The following SCIN variants were observed in gnomAD, a reference collection of about 807,000 sequenced individuals.
SCIN encodes scinderin.
A neutral mutation model predicts 91.8 loss-of-function variants in SCIN; 91 were observed. The observed-to-expected ratio is 0.99, with a 90% CI of 0.84 to 1.18. The LOEUF (loss-of-function observed/expected upper bound fraction) is 1.18. SCIN is among the 50% of genes most tolerant of loss of function. SCIN has a pLI of 0.00. For missense variants in SCIN, 1,087 were observed against 863.9 expected, an observed-to-expected ratio of 1.26 and a Z score of -3.24; for synonymous variants, 367 against 312.6, an observed-to-expected ratio of 1.17 and a Z score of -1.84.
At chr7:12,644,443 AG>A in intron 12 of SCIN, 128 bp downstream of exon 12, 1 of 1,436,682 alleles carries the variant, frequency 7.0e-7, no homozygotes, top group South Asian at 1.4e-5. Flanking sequence ...TTAGTTGCAG[AG>A]GTGGGTGGGT....
chr7:12,573,614 G>C (rs1782311631), intron 1 of SCIN, among the ~76,000 whole-genome samples: 1 of 152,064 alleles, frequency 6.6e-6, no homozygotes, highest in Non-Finnish European at 1.5e-5. Context: ...AAACATTTCA[G>C]CTTTGCACCT....
Position 12,655,236 on chromosome 7 carries a change from A to G in SCIN, c.*2521A>G, listed in dbSNP as rs1486269956. 1 of 152,170 alleles carries G rather than the reference A, an allele frequency of 6.6e-6. No individual in the cohort carries two copies. The highest frequency in any genetic ancestry group is 2.4e-5 in the African/African-American group (1 of 41,448). The allele number at this position is 152,170 out of a possible 1,614,324, so 9.4% of individuals were successfully genotyped here. A position where few individuals can be genotyped will look rare whatever the true frequency, so the allele number is the denominator to read the frequency against. On this transcript the variant is annotated 3_prime_UTR_variant, in exon 16 of 16. Transcript: ENST00000297029. ...TGCATTACTTTTGTATTGTTGTATT[A>G]TTTTATTGTTTTTCCCCAAATAGTT...
At chr7:12,582,034 A>G (rs946972132) in intron 3 of SCIN, among the ~76,000 whole-genome samples, 14 of 152,298 alleles carry the variant, frequency 9.2e-5, no homozygotes, top group African/African-American at 2.9e-4. Context: ...TCATCACACC[A>G]TACATCTCAA....
At chr7:12,652,539 A>G (rs772572966) in intron 15 of SCIN, 49 bp from the exon 16 acceptor site, 1 of 1,555,240 alleles carries the variant, frequency 6.4e-7, no homozygotes, top group Admixed American at 1.9e-5. Context: ...CAGTTACTTT[A>G]GTTTAACCCA....
chr7:12,570,733 T>A lies in SCIN; in HGVS notation c.-54T>A, dbSNP rs775545659. 1.3e-6 allele frequency: 2 copies of A among 1,525,238 alleles called. No homozygotes were observed. Among genetic ancestry groups the A allele is most frequent in the Non-Finnish European group, 1.8e-6 (2 of 1,129,972 alleles). The allele number at this position is 1,525,238 out of a possible 1,614,324, so 94.5% of individuals were successfully genotyped here. A position where few individuals can be genotyped will look rare whatever the true frequency, so the allele number is the denominator to read the frequency against. ...TAAGGTTCCTCCTGCTGCTCTCGGT[T>A]TAGTCCAAGATCAGCGATATCACGC... On this transcript the variant is annotated 5_prime_UTR_variant, in exon 1 of 16. Coordinates refer to ENST00000297029, the MANE Select transcript of SCIN (RefSeq NM_001112706.3).
At chr7:12,632,685 G>C (rs1052649942) in intron 9 of SCIN, among the ~76,000 whole-genome samples, 6 of 152,174 alleles carry the variant, frequency 3.9e-5, no homozygotes, top group African/African-American at 1.4e-4. Context: ...TTTCTGGTCT[G>C]AGCATAAATG....
chr7:12,656,320 A>C lies in SCIN; in HGVS notation c.*3605A>C, dbSNP rs1400679501. ...TGTAGTGACACAAGCCCTTCTGCTG[A>C]AAAAGTAGGTAGATAATTACTTTGA... On this transcript the variant is annotated 3_prime_UTR_variant, in exon 16 of 16. Transcript: ENST00000297029. 6.6e-6 allele frequency: 1 copy of C among 152,212 alleles called. No homozygotes were observed. Among genetic ancestry groups the C allele is most frequent in the Non-Finnish European group, 1.5e-5 (1 of 68,042 alleles). 9.4% of individuals were successfully genotyped at this position (152,212 alleles called of 1,614,324 possible).
intron 4 of SCIN, among the ~76,000 whole-genome samples, chr7:12,607,133 G>A (rs1267301750): frequency 6.6e-6 from 1 of 152,198 alleles, no homozygotes; most frequent in Non-Finnish European, 1.5e-5. Flanking sequence ...CATCACTCAT[G>A]CTTCTCCAGG....
chr7:12,641,456 T>C (rs984502271), intron 11 of SCIN, among the ~76,000 whole-genome samples: 10 of 152,150 alleles, frequency 6.6e-5, no homozygotes, highest in African/African-American at 2.2e-4. Context: ...CTCTCTCTTT[T>C]ATATCAGACT....
At chr7:12,604,831 T>C (rs1371550238) in intron 4 of SCIN, among the ~76,000 whole-genome samples, 168 bp downstream of exon 4, 2 of 152,190 alleles carry the variant, frequency 1.3e-5, no homozygotes, top group Non-Finnish European at 2.9e-5. Context: ...ACAACAGGGT[T>C]ATCTAAGTGA....
At chr7:12,631,764 C>A (rs1163605056) in intron 9 of SCIN, among the ~76,000 whole-genome samples, 1 of 152,126 alleles carries the variant, frequency 6.6e-6, no homozygotes, top group African/African-American at 2.4e-5. Flanking sequence ...TTATAAATTA[C>A]CCTGTTTCAG....
intron 4 of SCIN, among the ~76,000 whole-genome samples, chr7:12,616,655 T>A (rs1023848875): frequency 4.6e-5 from 7 of 152,114 alleles, no homozygotes; most frequent in Admixed American, 1.3e-4. Context: ...AGAGCCAGAA[T>A]ATTATAGACA....
intron 11 of SCIN, among the ~76,000 whole-genome samples, chr7:12,641,926 A>C (rs897472180): frequency 6.6e-6 from 1 of 151,996 alleles, no homozygotes; most frequent in African/African-American, 2.4e-5. Flanking sequence ...AACTTTATCA[A>C]TTTGTCTGCA....
Position 12,651,499 on chromosome 7 carries a change from T to C in SCIN, c.1960-342T>C, listed in dbSNP as rs1398531135. Among the ~76,000 whole-genome samples, 1 of 151,696 alleles carries C rather than the reference T, an allele frequency of 6.6e-6. No individual in the cohort carries two copies. The highest frequency in any genetic ancestry group is 1.5e-5 in the Non-Finnish European group (1 of 67,928). On this transcript the variant is annotated intron_variant, in intron 14 of 15. Transcript: ENST00000297029. This position sits in a 1 kb window ranked among gnomAD's most constrained non-coding sequence, Gnocchi z 5.9. ...AAATATTTTGGTTTCCTTCGACTGC[T>C]GTCACACCCTAGGGGGTGGATGAAA...
chr7:12,622,784 T>C lies in SCIN; in HGVS notation c.667-17T>C, dbSNP rs1783435322. On this transcript the variant is annotated splice_polypyrimidine_tract_variant and intron_variant, in intron 4 of 15. Transcript: ENST00000297029. ...GGGAGATCTTTATCTTTGCATCCAC[T>C]GCTCACTTTTTTCCAGGTCTTAGGG... 6.3e-7 allele frequency: 1 copy of C among 1,581,692 alleles called. No homozygotes were observed. The highest frequency in any genetic ancestry group is 8.7e-7 in the Non-Finnish European group (1 of 1,151,138).
intron 2 of SCIN, among the ~76,000 whole-genome samples, chr7:12,580,328 A>T (rs1782462008): frequency 6.6e-6 from 1 of 152,154 alleles, no homozygotes; most frequent in East Asian, 1.9e-4. Context: ...CAAATAATAT[A>T]AGAAGATGTA....
chr7:12,606,469 GT>G (rs1783081835), intron 4 of SCIN, among the ~76,000 whole-genome samples: 1 of 152,158 alleles, frequency 6.6e-6, no homozygotes, highest in African/African-American at 2.4e-5. Flanking sequence ...ATAACTTTAT[GT>G]ATTGTAATGT....
Position 12,625,044 on chromosome 7 carries a change from T to A in SCIN, c.794T>A (p.Val265Glu). Residue 265 changes from valine to glutamate, a missense_variant, in exon 6 of 16, where the codon GTG becomes GAG. Val to Glu is a moderately radical substitution (Grantham distance 121, BLOSUM62 -2). Transcript: ENST00000297029. ...SDASGSMRVTVVAEENPFSMA... is the reference protein window; with the variant it reads ...SDASGSMRVTEVAEENPFSMA... ...GCAAGTGGCTCCATGAGAGTGACTG[T>A]GGTGGCAGAAGAAAACCCCTTCTCA... 1 of 1,576,284 alleles carries A rather than the reference T, an allele frequency of 6.3e-7. No individual in the cohort carries two copies. Among genetic ancestry groups the A allele is most frequent in the South Asian group, 1.2e-5 (1 of 85,932 alleles).
At position 12,605,746 on chromosome 7, in the gene SCIN, G is replaced by A. The variant is rs578111406; in HGVS notation, c.666+1083G>A. 1.4e-4 allele frequency among the ~76,000 whole-genome samples: 22 copies of A among 152,180 alleles called. No individual in the cohort carries two copies. The South Asian group carries it at 1.7e-3, about 11-fold the overall frequency. On this transcript the variant is annotated intron_variant, in intron 4 of 15. Coordinates refer to ENST00000297029, the MANE Select transcript of SCIN (RefSeq NM_001112706.3). ...ATTAGGGATGCTCAACTTGTATTTCGTTAAAGGAATTAAATACAATCTTAT... is the reference window on the plus strand; with the variant it reads ...ATTAGGGATGCTCAACTTGTATTTCATTAAAGGAATTAAATACAATCTTAT...
Sources: allele counts gnomAD v4.1 joint callset (sites outside exome capture counted in the v4.1 genomes callset), GRCh38; gene constraint gnomAD v4.1.1; non-coding constraint Gnocchi (gnomAD v3.1); transcripts MANE v1.5; gene names NCBI Gene and HGNC (gene_info 2026-07-23, HGNC 2026-07-21).